The following KLHL29 variants were observed in gnomAD, a reference collection of about 807,000 sequenced individuals.
KLHL29 encodes the protein kelch-like protein 29.
A neutral mutation model predicts 80.4 loss-of-function variants in KLHL29; 21 were observed. The observed-to-expected ratio is 0.26, with a 90% CI of 0.19 to 0.38. KLHL29 has a LOEUF of 0.38. Among genes scored for constraint, KLHL29 ranks in the 10% least tolerant of loss-of-function variants. The pLI, the probability that KLHL29 is intolerant of heterozygous loss-of-function variation, is 1.00. For synonymous variants in KLHL29, 511 were observed against 526.8 expected (o/e 0.97, Z 0.41); for missense variants, 867 against 1,223.9 (o/e 0.71, Z 4.35).
rs543891581 is a variant in KLHL29 at position 23,551,333 on chromosome 2, G to A, written c.-45-10819G>A. 1.3e-3 allele frequency among the ~76,000 whole-genome samples: 204 copies of A among 152,146 alleles called. 1 individual carries two copies. Among genetic ancestry groups the A allele is most frequent in the South Asian group, 8.9e-3 (43 of 4,818 alleles). On this transcript the variant is annotated intron_variant, in intron 2 of 13. Coordinates refer to ENST00000486442, the MANE Select transcript of KLHL29 (RefSeq NM_052920.2). ...GTCCCACGAGAAAAGTCTCTGAATC[G>A]TGTGTGCTTTTTTGAAAAAAAAATC...
intron 11 of KLHL29, among the ~76,000 whole-genome samples, chr2:23,699,225 T>TG (rs1672202124): frequency 6.6e-6 from 1 of 152,190 alleles, no homozygotes; most frequent in Non-Finnish European, 1.5e-5. Context: ...GAGTTATGAC[T>TG]GGTGTCCCAA....
chr2:23,645,467 AAAG>A (rs1669899383), intron 5 of KLHL29, among the ~76,000 whole-genome samples: 1 of 152,194 alleles, frequency 6.6e-6, no homozygotes, highest in African/African-American at 2.4e-5. Context: ...TAGAAAAAAA[AAAG>A]AACTTTCCTT....
In KLHL29 at chr2:23,629,002, C is replaced by T. The variant is rs537724530; in HGVS notation, c.286-10137C>T. On this transcript the variant is annotated intron_variant, in intron 3 of 13. Transcript: ENST00000486442. ...CACCTCCCCGCCCACTCTGGCGACA[C>T]GATTGGAGAGGGTCACCGTGCTCAG... 7.9e-5 allele frequency among the ~76,000 whole-genome samples: 12 copies of T among 152,324 alleles called. No individual in the cohort carries two copies. The South Asian group carries it at 2.1e-3, about 26-fold the overall frequency.
At chr2:23,537,994 C>T (rs755008013) in intron 2 of KLHL29, among the ~76,000 whole-genome samples, 3 of 152,110 alleles carry the variant, frequency 2.0e-5, no homozygotes, top group Non-Finnish European at 2.9e-5. Context: ...AAAGTTGCTC[C>T]AGAAGCACTG....
chr2:23,406,792 T>C (rs1666748934), intron 1 of KLHL29, among the ~76,000 whole-genome samples: 1 of 152,176 alleles, frequency 6.6e-6, no homozygotes, highest in Admixed American at 6.5e-5. Flanking sequence ...TGTGAGATCA[T>C]GTTTGCATAG....
chr2:23,527,988 G>A (rs1666377836), intron 2 of KLHL29, among the ~76,000 whole-genome samples: 1 of 152,196 alleles, frequency 6.6e-6, no homozygotes. Context: ...CCTCTAAAAT[G>A]GGAGTTAATG....
At chr2:23,607,640 G>A (rs1321499101) in intron 3 of KLHL29, among the ~76,000 whole-genome samples, 1 of 152,222 alleles carries the variant, frequency 6.6e-6, no homozygotes, top group Non-Finnish European at 1.5e-5. Context: ...TGGCAGGCAA[G>A]CCAGCATGAC....
At chr2:23,425,675 C>T (rs1178495875) in intron 1 of KLHL29, among the ~76,000 whole-genome samples, 4 of 152,230 alleles carry the variant, frequency 2.6e-5, no homozygotes, top group Admixed American at 6.5e-5. Context: ...CAGCCCTTGG[C>T]TGATCCCCGC....
At position 23,708,345 on chromosome 2, in the gene KLHL29, T is replaced by C. The variant is rs1672851120; in HGVS notation, c.*1681T>C. 1 of 152,234 alleles carries C rather than the reference T, an allele frequency of 6.6e-6. No individual in the cohort carries two copies. Among genetic ancestry groups the C allele is most frequent in the Non-Finnish European group, 1.5e-5 (1 of 68,024 alleles). 9.4% of individuals were successfully genotyped at this position (152,234 alleles called of 1,614,324 possible). On this transcript the variant is annotated 3_prime_UTR_variant, in exon 14 of 14. Coordinates refer to ENST00000486442, the MANE Select transcript of KLHL29 (RefSeq NM_052920.2). ...AGGGTGCAAGTGTGAACCCAAGGAC[T>C]GGAGCACAAATTCCTAACTGCCTGG...
At chr2:23,423,901 C>G (rs1662927213) in intron 1 of KLHL29, among the ~76,000 whole-genome samples, 3 of 152,304 alleles carry the variant, frequency 2.0e-5, no homozygotes, top group Middle Eastern at 3.4e-3. Flanking sequence ...GGAGCTTTGT[C>G]ACAGGTTGCA....
chr2:23,696,348 G>A lies in KLHL29; in HGVS notation c.1940G>A (p.Gly647Glu). Residue 647 changes from glycine to glutamate, a missense_variant, in exon 11 of 14, where the codon GGG (glycine) becomes GAG (glutamate). Gly to Glu is a moderately conservative substitution (Grantham distance 98). Transcript: ENST00000486442. The surrounding 1 kb of genome is among the most constrained non-coding windows in gnomAD (Gnocchi z 5.5). ...CTGCCTCCAGGTGGGATGGAATCAG[G>A]GGTGACGCTGGCTGATGTCTGGTGC... ...NIYLSGGMES[G>E]VTLADVWCYM... The A allele has an allele frequency of 6.4e-7, 1 of 1,551,572 alleles. No individual in the cohort carries two copies. Among genetic ancestry groups the A allele is most frequent in the South Asian group, 1.2e-5 (1 of 84,040 alleles).
At chr2:23,623,593 G>A (rs1054559926) in intron 3 of KLHL29, among the ~76,000 whole-genome samples, 6 of 152,148 alleles carry the variant, frequency 3.9e-5, no homozygotes, top group Non-Finnish European at 1.5e-5. Flanking sequence ...AAGATTCTGT[G>A]GGGCCAGCCG....
At chr2:23,480,077 C>T (rs550680361) in intron 2 of KLHL29, among the ~76,000 whole-genome samples, 31 of 152,336 alleles carry the variant, frequency 2.0e-4, no homozygotes, top group African/African-American at 5.3e-4. Flanking sequence ...AGCTGTAAAA[C>T]GGGAATAACC....
chr2:23,500,114 A>G (rs1665396873), intron 2 of KLHL29, among the ~76,000 whole-genome samples: 1 of 152,148 alleles, frequency 6.6e-6, no homozygotes, highest in African/African-American at 2.4e-5. Flanking sequence ...TAAAGTAGAT[A>G]TTCTCCCCAG....
At chr2:23,463,871 A>G (rs1404416886) in intron 1 of KLHL29, among the ~76,000 whole-genome samples, 21 of 152,236 alleles carry the variant, frequency 1.4e-4, no homozygotes. Flanking sequence ...ATTAATGTCC[A>G]TTATCACTGT....
chr2:23,390,650 CTT>C (rs70941576), intron 1 of KLHL29, among the ~76,000 whole-genome samples: 10 of 120,218 alleles, frequency 8.3e-5, no homozygotes, highest in African/African-American at 3.2e-4. Context: ...ACCATCTTTA[CTT>C]TTTTTTTTTT....
chr2:23,658,941 A>G (rs1192378661), intron 5 of KLHL29, among the ~76,000 whole-genome samples: 1 of 152,160 alleles, frequency 6.6e-6, no homozygotes, highest in Non-Finnish European at 1.5e-5. Flanking sequence ...TCAGCGTGGA[A>G]GAGTAAGCCT....
intron 1 of KLHL29, among the ~76,000 whole-genome samples, chr2:23,431,449 C>T (rs1200336045): frequency 6.6e-6 from 1 of 152,262 alleles, no homozygotes; most frequent in African/African-American, 2.4e-5. Flanking sequence ...CCAGCAGCCC[C>T]ACCTCTGCCG....
intron 3 of KLHL29, among the ~76,000 whole-genome samples, chr2:23,620,068 A>C (rs1326933628): frequency 1.3e-5 from 2 of 152,182 alleles, no homozygotes; most frequent in Admixed American, 6.5e-5. Context: ...AGGGGAGGCC[A>C]CTGAGCTGAG....
Sources: gnomAD v4.1 joint callset for allele counts (sites outside exome capture counted in the v4.1 genomes callset) on GRCh38, gnomAD v4.1.1 for gene constraint, Gnocchi (gnomAD v3.1) non-coding constraint, MANE v1.5 for transcripts, NCBI Gene and HGNC (gene_info 2026-07-23, HGNC 2026-07-21) for gene names.